The following NRXN1 variants were observed in gnomAD, a reference collection of about 807,000 sequenced individuals.
NRXN1 encodes the protein neurexin 1.
A neutral mutation model predicts 150.9 loss-of-function variants in NRXN1; 39 were observed. That is an observed-to-expected ratio of 0.26 (90% CI 0.20 to 0.34). The LOEUF is 0.34. Among genes scored for constraint, NRXN1 ranks in the 10% least tolerant of loss-of-function variants. The pLI, the probability that NRXN1 is intolerant of heterozygous loss-of-function variation, is 1.00. For synonymous variants in NRXN1, 924 were observed against 757.0 expected (o/e 1.22, Z -3.62); for missense variants, 1,815 against 1,949.9 (o/e 0.93, Z 1.30).
intron 5 of NRXN1, among the ~76,000 whole-genome samples, chr2:50,889,654 A>G (rs1186520445): frequency 6.6e-6 from 1 of 151,696 alleles, no homozygotes; most frequent in Non-Finnish European, 1.5e-5. Flanking sequence ...GTAGAGCTAA[A>G]ATCCTTCTTA....
At chr2:50,761,834 T>G (rs551942006) in intron 5 of NRXN1, among the ~76,000 whole-genome samples, 1 of 151,814 alleles carries the variant, frequency 6.6e-6, no homozygotes, top group East Asian at 2.0e-4. Context: ...ACTGGCTGAG[T>G]CTTCTGGCCT....
At chr2:50,414,695 A>G (rs115150341) in intron 17 of NRXN1, among the ~76,000 whole-genome samples, 1,683 of 152,194 alleles carry the variant, frequency 0.011, 36 homozygotes, top group African/African-American at 0.037. Flanking sequence ...ATAAGCTTAA[A>G]AGAAAAATTT....
At chr2:50,549,833 AT>A (rs1667176757) in intron 9 of NRXN1, among the ~76,000 whole-genome samples, 1 of 152,110 alleles carries the variant, frequency 6.6e-6, no homozygotes, top group Non-Finnish European at 1.5e-5. Context: ...ACCTCATAAA[AT>A]ATTCAAAATA....
chr2:50,377,598 T>G (rs2080614533), intron 17 of NRXN1, among the ~76,000 whole-genome samples: 1 of 152,178 alleles, frequency 6.6e-6, no homozygotes, highest in South Asian at 2.1e-4. Flanking sequence ...GCCCACATAC[T>G]AAACGCTGAA....
At chr2:50,008,410 G>C (rs1180826668) in intron 21 of NRXN1, among the ~76,000 whole-genome samples, 1 of 151,832 alleles carries the variant, frequency 6.6e-6, no homozygotes, top group Admixed American at 6.6e-5. Context: ...AAAAAGCTTG[G>C]CAGTCAGGAA....
At chr2:50,436,448 C>T (rs1241323400) in intron 17 of NRXN1, among the ~76,000 whole-genome samples, 1 of 143,542 alleles carries the variant, frequency 7.0e-6, no homozygotes, top group African/African-American at 2.6e-5. Context: ...AGTGAAACTC[C>T]GTCTCAAGGA....
chr2:50,504,530 T>C (rs1225893049), intron 13 of NRXN1, among the ~76,000 whole-genome samples: 1 of 152,168 alleles, frequency 6.6e-6, no homozygotes, highest in Non-Finnish European at 1.5e-5. Flanking sequence ...TGGAACTTTT[T>C]ATAAATTTGA....
At chr2:50,212,964 T>G (rs959567253) in intron 18 of NRXN1, among the ~76,000 whole-genome samples, 2 of 151,962 alleles carry the variant, frequency 1.3e-5, no homozygotes, top group Non-Finnish European at 2.9e-5. Flanking sequence ...GAAACACTCA[T>G]TAAAGTAGTA....
chr2:50,559,979 A>G (rs1418525681), intron 8 of NRXN1, among the ~76,000 whole-genome samples: 1 of 152,178 alleles, frequency 6.6e-6, no homozygotes, highest in African/African-American at 2.4e-5. Context: ...GCCTCCAAAA[A>G]TTAGTATTTT....
intron 5 of NRXN1, among the ~76,000 whole-genome samples, chr2:50,765,175 G>T (rs182853678): frequency 6.6e-6 from 1 of 152,138 alleles, no homozygotes; most frequent in Non-Finnish European, 1.5e-5. Flanking sequence ...AATACATAAT[G>T]TGAAGGGGGA....
chr2:50,710,216 C>T (rs1694982423), intron 5 of NRXN1, among the ~76,000 whole-genome samples: 1 of 152,126 alleles, frequency 6.6e-6, no homozygotes, highest in Non-Finnish European at 1.5e-5. Context: ...AGGAAAGAAC[C>T]TCTTAAACAG....
At chr2:50,802,434 G>A (rs1707724327) in intron 5 of NRXN1, among the ~76,000 whole-genome samples, 1 of 151,680 alleles carries the variant, frequency 6.6e-6, no homozygotes, top group Admixed American at 6.6e-5. Flanking sequence ...AGAGGTTGCA[G>A]TGAGCTGAGA....
chr2:50,311,484 T>C (rs1244413287), intron 17 of NRXN1, among the ~76,000 whole-genome samples: 3 of 152,128 alleles, frequency 2.0e-5, no homozygotes, highest in Non-Finnish European at 2.9e-5. Context: ...GAAGAAACCA[T>C]GCACTGATAA....
At chr2:51,025,605 G>A (rs568699696) in intron 2 of NRXN1, among the ~76,000 whole-genome samples, 28 of 152,038 alleles carry the variant, frequency 1.8e-4, no homozygotes, top group African/African-American at 6.3e-4. Context: ...TTTTAAAGTG[G>A]CATTAGGATA....
chr2:51,006,625 AG>A (rs1700762436), intron 2 of NRXN1, among the ~76,000 whole-genome samples: 1 of 151,930 alleles, frequency 6.6e-6, no homozygotes, highest in South Asian at 2.1e-4. Context: ...TATTTTTCTA[AG>A]TACACCACAT....
intron 8 of NRXN1, among the ~76,000 whole-genome samples, chr2:50,569,009 G>T (rs1241569769): frequency 1.3e-5 from 2 of 152,066 alleles, no homozygotes; most frequent in Non-Finnish European, 2.9e-5. Context: ...GCTGAAACTG[G>T]AGGTCATATT....
At chr2:50,300,662 G>C (rs2074062349) in intron 17 of NRXN1, among the ~76,000 whole-genome samples, 1 of 152,138 alleles carries the variant, frequency 6.6e-6, no homozygotes, top group Non-Finnish European at 1.5e-5. Flanking sequence ...CTCTTAAAGG[G>C]GAATGTGGTC....
At chr2:50,415,236 A>G (rs573280014) in intron 17 of NRXN1, among the ~76,000 whole-genome samples, 1 of 152,326 alleles carries the variant, frequency 6.6e-6, no homozygotes, top group South Asian at 2.1e-4. Context: ...CATTAAATAC[A>G]TTAAATTACA....
chr2:50,175,252 A>C (rs774098054), intron 18 of NRXN1: 1 of 152,214 alleles, frequency 6.6e-6, no homozygotes, highest in Non-Finnish European at 1.5e-5. Context: ...AATCAAGTGC[A>C]CATGCTTTCT....
Sources: gnomAD v4.1 joint callset for allele counts (sites outside exome capture counted in the v4.1 genomes callset) on GRCh38, gnomAD v4.1.1 for gene constraint, MANE v1.5 for transcripts, NCBI Gene and HGNC (gene_info 2026-07-23, HGNC 2026-07-21) for gene names.